Variants in TRPV5 observed in about 807,000 individuals in gnomAD.
TRPV5 encodes transient receptor potential cation channel subfamily V member 5, also known as calcium transport protein 2.
TRPV5 carries 66 observed loss-of-function variants against 74.1 expected under a neutral mutation model. The observed-to-expected ratio is 0.89, with a 90% CI of 0.73 to 1.09. TRPV5 has a LOEUF of 1.09. Among genes scored for constraint, TRPV5 ranks in the 50% least tolerant of loss-of-function variants. The pLI is 0.00. For missense variants in TRPV5, 936 were observed against 930.4 expected, an observed-to-expected ratio of 1.01 and a Z score of -0.08; for synonymous variants, 399 against 360.7, an observed-to-expected ratio of 1.11 and a Z score of -1.20.
At chr7:142,911,711 G>C (rs1049382101) in intron 13 of TRPV5, among the ~76,000 whole-genome samples, 1 of 152,112 alleles carries the variant, frequency 6.6e-6, no homozygotes, top group Non-Finnish European at 1.5e-5. Context: ...CTAGCTCCTA[G>C]GCATTTGTCA....
intron 8 of TRPV5, among the ~76,000 whole-genome samples, chr7:142,919,062 T>C (rs559683261): frequency 6.6e-6 from 1 of 152,282 alleles, no homozygotes; most frequent in African/African-American, 2.4e-5. Flanking sequence ...TCCTCCACCA[T>C]GTTGACCTGG....
At position 142,914,621 on chromosome 7, in the gene TRPV5, G is replaced by A. The variant is rs1795759338; in HGVS notation, c.1519+19C>T. ...GAACTAGATCTGCTGATCTAGTAGA[G>A]GAGTGTATGGTGCCTTACCGGAGGC... is the stretch of plus-strand genomic sequence containing the variant. On this transcript the variant is annotated intron_variant, in intron 12 of 14. Transcript: ENST00000265310. 1 of 1,608,680 alleles carries A rather than the reference G, an allele frequency of 6.2e-7. No homozygotes were observed. The highest frequency in any genetic ancestry group is 1.1e-5 in the South Asian group (1 of 90,538).
In TRPV5 at chr7:142,908,771, G is replaced by A; in HGVS notation, c.1933C>T (p.Leu645Phe). The A allele has an allele frequency of 6.2e-7, 1 of 1,613,644 alleles. No individual in the cohort carries two copies. The highest frequency in any genetic ancestry group is 1.3e-5 in the African/African-American group (1 of 75,042). Residue 645 changes from leucine (L) to phenylalanine (F), a missense_variant, in exon 15 of 15, where the codon CTT (leucine) becomes TTT (phenylalanine). Coordinates refer to ENST00000265310, the MANE Select transcript of TRPV5 (RefSeq NM_019841.7). ...TTCTTGAACACTTCCACATAGCGAA[G>A]CACTCGCAGAGGATTCTGATCATTG... Reference protein sequence around the residue: ...NHNDQNPLRVLRYVEVFKNSD... With the variant: ...NHNDQNPLRVFRYVEVFKNSD...
Position 142,928,849 on chromosome 7 carries a change from T to A in TRPV5, c.604A>T (p.Ile202Phe). Reference sequence around the variant, plus strand: ...GTTTTGTTGGGCTGGAGGATGAGGATGTGTAATACTGTGTTTCCTGGGGAG... The same window carrying A: ...GTTTTGTTGGGCTGGAGGATGAGGAAGTGTAATACTGTGTTTCCTGGGGAG... ...QDSLGNTVLH[I>F]LILQPNKTFA... The change falls in exon 6 of 15, where the codon ATC (isoleucine) becomes TTC (phenylalanine). Residue 202 changes from isoleucine to phenylalanine, a missense_variant. Transcript: ENST00000265310. 1 of 1,614,098 alleles carries A rather than the reference T, an allele frequency of 6.2e-7. No homozygotes were observed. The highest frequency in any genetic ancestry group is 8.5e-7 in the Non-Finnish European group (1 of 1,179,994).
chr7:142,914,815 A>T, intron 11 of TRPV5, 66 bp downstream of exon 11: 1 of 1,609,970 alleles, frequency 6.2e-7, no homozygotes, highest in Non-Finnish European at 8.5e-7. Context: ...GCTCCATTCT[A>T]CCTCCATCCC....
chr7:142,910,032 G>A (rs1255953512), intron 13 of TRPV5, among the ~76,000 whole-genome samples: 1 of 152,174 alleles, frequency 6.6e-6, no homozygotes, highest in Non-Finnish European at 1.5e-5. Context: ...GAAGGAAAAG[G>A]GTTGATTAAT....
Position 142,933,638 on chromosome 7 carries a change from G to A in TRPV5, c.-179C>T. On this transcript the variant is annotated 5_prime_UTR_variant, in exon 1 of 15. Transcript: ENST00000265310. Reference sequence around the variant, plus strand: ...GTGTGTGTGTGTGCATGCAGTATGTGGGTTGTGGGGTGTGCGTGTATGCAC... The same window carrying A: ...GTGTGTGTGTGTGCATGCAGTATGTAGGTTGTGGGGTGTGCGTGTATGCAC... The A allele has an allele frequency of 2.6e-6, 2 of 772,274 alleles. No homozygotes were observed. The highest frequency in any genetic ancestry group is 1.8e-5 in the South Asian group (1 of 55,760). The allele number at this position is 772,274 out of a possible 1,614,324, so 47.8% of individuals were successfully genotyped here.
At chr7:142,931,130 C>G (rs1360138868) in intron 1 of TRPV5, among the ~76,000 whole-genome samples, 5 of 143,016 alleles carry the variant, frequency 3.5e-5, no homozygotes, top group Non-Finnish European at 6.0e-5. Context: ...TCAAGCAATT[C>G]TTGTGCCTCA....
chr7:142,915,714 T>C lies in TRPV5; in HGVS notation c.1123-146A>G, dbSNP rs1795785080. The C allele has an allele frequency of 5.6e-6, 4 of 717,932 alleles. No homozygotes were observed. In the East Asian group the frequency reaches 8.1e-5, roughly 15 times the overall value. The allele number at this position is 717,932 out of a possible 1,614,324, so 44.5% of individuals were successfully genotyped here. On this transcript the variant is annotated intron_variant, in intron 8 of 14. Coordinates refer to ENST00000265310, the MANE Select transcript of TRPV5 (RefSeq NM_019841.7). ...CACCCCACCCCCATTGTACTTGCCA[T>C]TGTGGGTAACTCTGTGACCAGGACA...
intron 7 of TRPV5, 48 bp downstream of exon 7, chr7:142,928,040 C>T (rs1417335790): frequency 6.2e-7 from 1 of 1,611,432 alleles, no homozygotes; most frequent in Non-Finnish European, 8.5e-7. Context: ...TCTGCACAAA[C>T]ACTAAATTCC....
rs368252113 is a variant in TRPV5, at chr7:142,928,808, C to T, written c.645G>A (p.Met215Ile). 235 of 1,614,022 alleles carry T rather than the reference C, an allele frequency of 1.5e-4. No individual in the cohort carries two copies. The highest frequency in any genetic ancestry group is 1.9e-4 in the Non-Finnish European group (225 of 1,180,016). The change falls in exon 6 of 15, where the codon ATG (methionine) becomes ATA (isoleucine). Residue 215 changes from methionine (M) to isoleucine (I), a missense_variant. Physicochemically the swap from Met to Ile is conservative, Grantham distance 10. Transcript: ENST00000265310. ...LQPNKTFACQMYNLLLSYDGH... is the reference protein window; with the variant it reads ...LQPNKTFACQIYNLLLSYDGH... ...CATCATAGGACAGCAGCAGGTTGTA[C>T]ATCTGGCAGGCAAAGGTTTTGTTGG...
Position 142,908,739 on chromosome 7 carries a change from G to T in TRPV5, c.1965C>A (p.Asp655Glu), listed in dbSNP as rs1263643211. 1.9e-6 allele frequency: 3 copies of T among 1,614,008 alleles called. No individual in the cohort carries two copies. The highest frequency in any genetic ancestry group is 1.7e-6 in the Non-Finnish European group (2 of 1,180,048). ...LRYVEVFKNS[D>E]KEDDQEHPSE... ...ATGGATGCTCCTGGTCATCCTCCTT[G>T]TCTGAGTTCTTGAACACTTCCACAT... is the stretch of plus-strand genomic sequence containing the variant. The change falls in exon 15 of 15, where the codon GAC becomes GAA. Residue 655 changes from aspartate to glutamate, a missense_variant. Transcript: ENST00000265310.
chr7:142,918,840 C>T (rs180742339), intron 8 of TRPV5, among the ~76,000 whole-genome samples: 2 of 152,210 alleles, frequency 1.3e-5, no homozygotes, highest in East Asian at 3.9e-4. Flanking sequence ...GCACGATGTA[C>T]GTCATTTTCT....
Position 142,930,080 on chromosome 7 carries a change from G to A in TRPV5, c.327C>T (p.Pro109=). The A allele has an allele frequency of 3.7e-6, 6 of 1,614,096 alleles. No individual in the cohort carries two copies. The highest frequency in any genetic ancestry group is 1.6e-4 in the Middle Eastern group (1 of 6,062). Reference sequence around the variant, plus strand: ...TACCTGCAAAAGCCTCACATGTGGTGGGCTCAAAGACCAGCTCTGGGGCAG... The same window carrying A: ...TACCTGCAAAAGCCTCACATGTGGTAGGCTCAAAGACCAGCTCTGGGGCAG... ...MEAAPELVFE[P]TTCEAFAGQT... The change falls in exon 3 of 15, where the codon CCC becomes CCT. Residue 109 remains proline (P), a synonymous_variant. Transcript: ENST00000265310.
intron 8 of TRPV5, among the ~76,000 whole-genome samples, chr7:142,922,063 A>C (rs1406309900): frequency 1.3e-5 from 2 of 152,212 alleles, no homozygotes; most frequent in East Asian, 1.9e-4. Context: ...CATCATAAGA[A>C]AAAAATAATA....
chr7:142,925,311 T>C (rs1006588718), intron 8 of TRPV5: 1 of 597,876 alleles, frequency 1.7e-6, no homozygotes, highest in East Asian at 2.8e-5. Flanking sequence ...TTTCAAAGTT[T>C]GTGTGAGAAA....
intron 13 of TRPV5, among the ~76,000 whole-genome samples, chr7:142,911,118 G>T (rs998109983): frequency 1.3e-4 from 20 of 152,200 alleles, no homozygotes; most frequent in Non-Finnish European, 2.9e-5. Flanking sequence ...GGCCCTCGGA[G>T]CTGCGTGTTG....
rs779919384 is a variant in TRPV5, at chr7:142,928,253, G to T, written c.763-19C>A. ...GGAACATCTGAGAGACCACCAGGAT[G>T]AGTCAGGGGGCCAACGTGTGAGAAG... is the stretch of plus-strand genomic sequence containing the variant. On this transcript the variant is annotated intron_variant, in intron 6 of 14. Transcript: ENST00000265310. 2 of 1,614,080 alleles carry T rather than the reference G, an allele frequency of 1.2e-6. No individual in the cohort carries two copies. The highest frequency in any genetic ancestry group is 1.7e-6 in the Non-Finnish European group (2 of 1,179,968).
At chr7:142,929,942 C>T (rs1423538543) in intron 3 of TRPV5, 116 bp downstream of exon 3, 3 of 1,503,462 alleles carry the variant, frequency 2.0e-6, no homozygotes, top group African/African-American at 1.4e-5. Flanking sequence ...CGGAGCCCAT[C>T]CTCCTGACCC....
Sources: gnomAD v4.1 joint callset for allele counts (sites outside exome capture counted in the v4.1 genomes callset) on GRCh38, gnomAD v4.1.1 for gene constraint, MANE v1.5 for transcripts, NCBI Gene and HGNC (gene_info 2026-07-23, HGNC 2026-07-21) for gene names.